TRIM35: variants seen among roughly 807,000 people sequenced by gnomAD.
The protein encoded by TRIM35 is tripartite motif containing 35, also known as E3 ubiquitin-protein ligase TRIM35.
TRIM35 carries 37 observed loss-of-function variants against 49.1 expected under a neutral mutation model. The ratio of observed to expected loss-of-function variants is 0.75; its 90% CI spans 0.58 to 0.99. TRIM35 has a LOEUF of 0.99. Ranked by LOEUF, TRIM35 falls within the 50% of genes least tolerant of loss-of-function variation. TRIM35 has a pLI of 0.00. For synonymous variants in TRIM35, 302 were observed against 289.3 expected (o/e 1.04, Z -0.45); for missense variants, 648 against 702.7 (o/e 0.92, Z 0.88).
chr8:27,299,978 A>G (rs1802650110), intron 1 of TRIM35, among the ~76,000 whole-genome samples: 2 of 152,200 alleles, frequency 1.3e-5, no homozygotes, highest in Admixed American at 1.3e-4. Flanking sequence ...AAGTGATACT[A>G]AGTCACCTCT....
At position 27,288,108 on chromosome 8, in the gene TRIM35, G is replaced by C. The variant is rs1290489187; in HGVS notation, c.924C>G (p.Pro308=). The change falls in exon 6 of 6, where the codon CCC becomes CCG. Residue 308 remains proline (P), a synonymous_variant. Coordinates refer to ENST00000305364, the MANE Select transcript of TRIM35 (RefSeq NM_171982.5). ...SVESVPFSFD[P]NTAAGWLSVS... ...CGGAGAGCCAGCCAGCTGCGGTGTT[G>C]GGGTCAAAGCTGAAGGGTACTGCAA... 1.9e-6 allele frequency: 3 copies of C among 1,607,706 alleles called. No homozygotes were observed. The South Asian group carries it at 3.3e-5, about 18-fold the overall frequency.
chr8:27,289,780 A>G (rs1280599073), intron 4 of TRIM35, among the ~76,000 whole-genome samples: 2 of 152,142 alleles, frequency 1.3e-5, no homozygotes, highest in Non-Finnish European at 2.9e-5. Context: ...TGTGAACCCA[A>G]CAACCATCAA....
intron 3 of TRIM35, among the ~76,000 whole-genome samples, chr8:27,293,843 A>G (rs1802505979): frequency 6.6e-6 from 1 of 151,994 alleles, no homozygotes; most frequent in Non-Finnish European, 1.5e-5. Flanking sequence ...ATACAGCAAG[A>G]CCCTGTCTCT....
chr8:27,289,582 G>T (rs902532087), intron 4 of TRIM35, among the ~76,000 whole-genome samples: 15 of 152,158 alleles, frequency 9.9e-5, no homozygotes, highest in African/African-American at 3.6e-4. Flanking sequence ...TTACACATCC[G>T]GCTCATGGGA....
At chr8:27,300,606 T>C (rs939554987) in intron 1 of TRIM35, among the ~76,000 whole-genome samples, 1 of 150,858 alleles carries the variant, frequency 6.6e-6, no homozygotes, top group African/African-American at 2.5e-5. Flanking sequence ...CAGTAGCCCA[T>C]TCCTTTAAGT....
At chr8:27,305,606 T>A (rs2322603) in intron 1 of TRIM35, among the ~76,000 whole-genome samples, 1 of 151,952 alleles carries the variant, frequency 6.6e-6, no homozygotes, top group African/African-American at 2.4e-5. Context: ...AGAGTACCCT[T>A]GGGTTAGATC....
Position 27,311,218 on chromosome 8 carries a change from GTCGGGACTCCGCT to G in TRIM35, c.5_17del (p.Glu2AlafsTer40). The G allele has an allele frequency of 6.4e-7, 1 of 1,569,534 alleles. No homozygotes were observed. The highest frequency in any genetic ancestry group is 8.7e-7 in the Non-Finnish European group (1 of 1,154,358). The stretch of plus-strand genomic sequence containing the variant: ...AGGAGCGGGAAGGCCCGGGGGACAC[GTCGGGACTCCGCT>G]CCATGGCACGAGCAGCCGGCTCGGG... On this transcript the variant is annotated frameshift_variant, in exon 1 of 6. Transcript: ENST00000305364. LOFTEE classifies it high-confidence loss of function.
chr8:27,291,533 A>T (rs1802454749), intron 3 of TRIM35, among the ~76,000 whole-genome samples: 1 of 152,256 alleles, frequency 6.6e-6, no homozygotes, highest in Non-Finnish European at 1.5e-5. Flanking sequence ...CATTTGATCC[A>T]GCAAATCTAC....
chr8:27,300,932 G>A (rs1802671265), intron 1 of TRIM35, among the ~76,000 whole-genome samples: 1 of 152,190 alleles, frequency 6.6e-6, no homozygotes, highest in South Asian at 2.1e-4. Flanking sequence ...CCAAAGGTGT[G>A]CAGGCCCCAA....
At position 27,288,006 on chromosome 8, in the gene TRIM35, C is replaced by T. The variant is rs910075474; in HGVS notation, c.1026G>A (p.Ala342=). 2.5e-6 allele frequency: 4 copies of T among 1,613,436 alleles called. No homozygotes were observed. Among genetic ancestry groups the T allele is most frequent in the Non-Finnish European group, 2.5e-6 (3 of 1,180,016 alleles). The stretch of plus-strand genomic sequence containing the variant: ...AGACACGGGAGCCCAGCAGGCAGGG[C>T]GCCGAGGAGAAGCGTTCCGGGTTCT... ...QVENPERFSS[A]PCLLGSRVFS... The change falls in exon 6 of 6, where the codon GCG becomes GCA. Residue 342 remains alanine, a synonymous_variant. Coordinates refer to ENST00000305364, the MANE Select transcript of TRIM35 (RefSeq NM_171982.5).
At chr8:27,307,833 C>T (rs970445540) in intron 1 of TRIM35, among the ~76,000 whole-genome samples, 8 of 152,218 alleles carry the variant, frequency 5.3e-5, no homozygotes, top group Non-Finnish European at 2.9e-5. Flanking sequence ...TAGCACCTAA[C>T]TGTAGCAAGC....
Position 27,285,612 on chromosome 8 carries a change from G to A in TRIM35, c.*1938C>T, listed in dbSNP as rs1802296819. On this transcript the variant is annotated 3_prime_UTR_variant, in exon 6 of 6. Coordinates refer to ENST00000305364, the MANE Select transcript of TRIM35 (RefSeq NM_171982.5). The stretch of plus-strand genomic sequence containing the variant: ...GAAAAGAAAATGCCAAAAGAAAAAT[G>A]AGTTTTAGCTCAAATTTTTTTTTAA... The A allele has an allele frequency of 7.4e-6, 1 of 135,482 alleles. No individual in the cohort carries two copies. The highest frequency in any genetic ancestry group is 1.5e-5 in the Non-Finnish European group (1 of 64,828). The allele number at this position is 135,482 out of a possible 1,614,324, so 8.4% of individuals were successfully genotyped here. A position where few individuals can be genotyped will look rare whatever the true frequency, so the allele number is the denominator to read the frequency against.
At position 27,293,376 on chromosome 8, in the gene TRIM35, G is replaced by GT. The variant is rs984517592; in HGVS notation, c.762+703dup. ...AAAGGAAAAAAAAATGAATAATACT[G>GT]TTTTTTTAAAGAGAGAATGGAATCA... On this transcript the variant is annotated intron_variant, in intron 3 of 5. Coordinates refer to ENST00000305364, the MANE Select transcript of TRIM35 (RefSeq NM_171982.5). 3.3e-4 allele frequency among the ~76,000 whole-genome samples: 50 copies of GT among 151,978 alleles called. 1 individual carries two copies. In the Middle Eastern group the frequency reaches 0.01, roughly 31 times the overall value.
In TRIM35 at chr8:27,298,552, C is replaced by A. The variant is rs565181133; in HGVS notation, c.443G>T (p.Cys148Phe). 6 of 1,614,130 alleles carry A rather than the reference C, an allele frequency of 3.7e-6. No homozygotes were observed. The highest frequency in any genetic ancestry group is 5.1e-6 in the Non-Finnish European group (6 of 1,179,982). Residue 148 changes from cysteine to phenylalanine, a missense_variant, in exon 2 of 6, where the codon TGC (cysteine) becomes TTC (phenylalanine). Physicochemically the swap from Cys to Phe is radical, Grantham distance 205. Coordinates refer to ENST00000305364, the MANE Select transcript of TRIM35 (RefSeq NM_171982.5). The stretch of plus-strand genomic sequence containing the variant: ...CCGCAGTGCATGCTCCATGTTCCTG[C>A]ACTTGGCCTGACATGGGAATGAGAG... ...KDTAHDFRAKCRNMEHALREK... is the reference protein window; with the variant it reads ...KDTAHDFRAKFRNMEHALREK...
In TRIM35 at chr8:27,310,834, C is replaced by CAAA; in HGVS notation, c.401_402insTTT (p.Val134_Gln135insLeu). The CAAA allele has an allele frequency of 6.2e-7, 1 of 1,607,132 alleles. No individual in the cohort carries two copies. The highest frequency in any genetic ancestry group is 8.5e-7 in the Non-Finnish European group (1 of 1,175,500). ...CGTGGGCAGTGTCCTTCACCGGCTG[C>CAAA]ACGCGGTGCCCCTGGTGTCGGGGGT... On this transcript the variant is annotated inframe_insertion, in exon 1 of 6. Coordinates refer to ENST00000305364, the MANE Select transcript of TRIM35 (RefSeq NM_171982.5).
At chr8:27,290,053 C>T (rs1802420998) in intron 4 of TRIM35, 103 bp downstream of exon 4, 9 of 1,330,090 alleles carry the variant, frequency 6.8e-6, no homozygotes, top group African/African-American at 1.5e-5. Flanking sequence ...TGTGCTGGTG[C>T]ACCCAGCTGG....
intron 1 of TRIM35, among the ~76,000 whole-genome samples, chr8:27,309,310 A>G (rs1802851370): frequency 6.6e-6 from 1 of 152,196 alleles, no homozygotes; most frequent in South Asian, 2.1e-4. Context: ...CAGCTGTCCC[A>G]AATCAGGATC....
intron 5 of TRIM35, among the ~76,000 whole-genome samples, chr8:27,288,713 C>T (rs373591149): frequency 1.3e-5 from 2 of 152,180 alleles, no homozygotes; most frequent in East Asian, 1.9e-4. Flanking sequence ...CAGGCAGAGA[C>T]TCTTAACACT....
Position 27,298,520 on chromosome 8 carries a change from C to A in TRIM35, c.475G>T (p.Ala159Ser). 7.4e-6 allele frequency: 12 copies of A among 1,614,200 alleles called. No individual in the cohort carries two copies. The highest frequency in any genetic ancestry group is 1.0e-5 in the Non-Finnish European group (12 of 1,180,034). ...CGCCGCATGGCCCAGAAGGCCTTGG[C>A]CTTCTCCCGCAGTGCATGCTCCATG... ...RNMEHALREK[A>S]KAFWAMRRSY... The change falls in exon 2 of 6, where the codon GCC (alanine) becomes TCC (serine). Residue 159 changes from alanine (A) to serine (S), a missense_variant. Ala to Ser is a moderately conservative substitution (Grantham distance 99, BLOSUM62 1). Coordinates refer to ENST00000305364, the MANE Select transcript of TRIM35 (RefSeq NM_171982.5).
Sources: gnomAD v4.1 joint callset for allele counts (sites outside exome capture counted in the v4.1 genomes callset) on GRCh38, gnomAD v4.1.1 for gene constraint, MANE v1.5 for transcripts, NCBI Gene and HGNC (gene_info 2026-07-23, HGNC 2026-07-21) for gene names.